NEUROD4: variants seen among roughly 807,000 people sequenced by gnomAD.
NEUROD4 encodes the protein neuronal differentiation 4.
A neutral mutation model predicts 19.8 loss-of-function variants in NEUROD4; 16 were observed. That is an observed-to-expected ratio of 0.81 (90% CI 0.55 to 1.23). NEUROD4 has a LOEUF of 1.23. Among genes scored for constraint, NEUROD4 ranks in the 50% most tolerant of loss-of-function variants. NEUROD4 has a pLI of 0.00. For synonymous variants in NEUROD4, 153 were observed against 147.9 expected (o/e 1.03, Z -0.25); for missense variants, 439 against 398.6 (o/e 1.10, Z -0.86).
intron 1 of NEUROD4, among the ~76,000 whole-genome samples, chr12:55,021,022 A>T (rs1024682787): frequency 2.0e-5 from 3 of 152,068 alleles, no homozygotes; most frequent in African/African-American, 7.2e-5. Flanking sequence ...ACCCACCCCC[A>T]TTTTTTTGAC....
intron 1 of NEUROD4, among the ~76,000 whole-genome samples, chr12:55,023,412 T>G (rs1422676931): frequency 6.6e-6 from 1 of 152,114 alleles, no homozygotes; most frequent in Non-Finnish European, 1.5e-5. Context: ...AGGAAATAAA[T>G]GTATAGATGT....
rs185171012 is a variant in NEUROD4, at chr12:55,029,641, A to G, written c.*2206A>G. 3.3e-4 allele frequency: 56 copies of G among 167,202 alleles called. 1 individual carries two copies. Among genetic ancestry groups the G allele is most frequent in the African/African-American group, 1.1e-3 (47 of 41,586 alleles). The allele number at this position is 167,202 out of a possible 1,614,324, so 10.4% of individuals were successfully genotyped here. A position where few individuals can be genotyped will look rare whatever the true frequency, so the allele number is the denominator to read the frequency against. ...TTTTGGAGTGAGGGGAAAGGAAAAA[A>G]TAGAGAATTACCTCTGTGATAATTT... On this transcript the variant is annotated 3_prime_UTR_variant, in exon 2 of 2. Coordinates refer to ENST00000242994, the MANE Select transcript of NEUROD4 (RefSeq NM_021191.3).
intron 1 of NEUROD4, among the ~76,000 whole-genome samples, chr12:55,026,171 T>C (rs140793113): frequency 1.3e-5 from 2 of 151,352 alleles, no homozygotes; most frequent in East Asian, 1.9e-4. Context: ...CATTTTTGTA[T>C]AAAATATTCA....
chr12:55,027,238 C>G lies in NEUROD4; in HGVS notation c.799C>G (p.Gln267Glu). The change falls in exon 2 of 2, where the codon CAA (glutamine) becomes GAA (glutamate). Residue 267 changes from glutamine (Q) to glutamate (E), a missense_variant. By Grantham distance (29) the Gln-to-Glu change is conservative (BLOSUM62 2). Coordinates refer to ENST00000242994, the MANE Select transcript of NEUROD4 (RefSeq NM_021191.3). Reference protein sequence around the residue: ...LSISGNFSLKQDGSPDLEKSY... With the variant: ...LSISGNFSLKEDGSPDLEKSY... ...CATCAGTGGGAACTTCTCCTTGAAG[C>G]AAGATGGGTCTCCTGACCTAGAAAA... The G allele has an allele frequency of 6.2e-7, 1 of 1,614,110 alleles. No homozygotes were observed. The highest frequency in any genetic ancestry group is 1.7e-4 in the Middle Eastern group (1 of 6,058).
intron 1 of NEUROD4, among the ~76,000 whole-genome samples, chr12:55,021,728 T>G (rs1402659329): frequency 2.0e-5 from 3 of 152,200 alleles, no homozygotes; most frequent in Admixed American, 2.0e-4. Flanking sequence ...ACTTGAAATT[T>G]CACTGAAAGA....
chr12:55,024,099 G>C (rs1952698632), intron 1 of NEUROD4, among the ~76,000 whole-genome samples: 2 of 152,174 alleles, frequency 1.3e-5, no homozygotes, highest in Admixed American at 1.3e-4. Context: ...ATGAGCCAGT[G>C]ATCATAATGA....
Position 55,026,709 on chromosome 12 carries a change from C to G in NEUROD4, c.270C>G (p.Val90=), listed in dbSNP as rs755628989. 1 of 1,614,158 alleles carries G rather than the reference C, an allele frequency of 6.2e-7. No homozygotes were observed. The highest frequency in any genetic ancestry group is 8.5e-7 in the Non-Finnish European group (1 of 1,180,034). ...TTGAGAGATTCAGGGCTCGAAGAGT[C>G]AAGGCTAATGCCAGAGAACGGACCC... ...ARLERFRARR[V]KANARERTRM... Residue 90 remains valine, a synonymous_variant, in exon 2 of 2, where the codon GTC becomes GTG. Coordinates refer to ENST00000242994, the MANE Select transcript of NEUROD4 (RefSeq NM_021191.3).
chr12:55,027,186 T>C lies in NEUROD4; in HGVS notation c.747T>C (p.Tyr249=), dbSNP rs765620873. The C allele has an allele frequency of 1.9e-6, 3 of 1,613,994 alleles. No individual in the cohort carries two copies. Among genetic ancestry groups the C allele is most frequent in the Admixed American group, 1.7e-5 (1 of 59,994 alleles). The change falls in exon 2 of 2, where the codon TAT becomes TAC. Residue 249 remains tyrosine, a synonymous_variant. Transcript: ENST00000242994. Reference sequence around the variant, plus strand: ...TGCCTGACTGCAGTACACCCCCTTATGAGGGCCCACTCACTCCACCCCTGA... The same window carrying C: ...TGCCTGACTGCAGTACACCCCCTTACGAGGGCCCACTCACTCCACCCCTGA... The part of the protein sequence containing the change: ...SHLPDCSTPP[Y]EGPLTPPLSI...
rs1169507555 is a variant in NEUROD4, at chr12:55,027,265, T to A, written c.826T>A (p.Ser276Thr). The change falls in exon 2 of 2, where the codon TCC becomes ACC. Residue 276 changes from serine (S) to threonine (T), a missense_variant. Physicochemically the swap from Ser to Thr is moderately conservative, Grantham distance 58. Coordinates refer to ENST00000242994, the MANE Select transcript of NEUROD4 (RefSeq NM_021191.3). ...AGATGGGTCTCCTGACCTAGAAAAA[T>A]CCTACAGCTTCATGCCACATTACCC... ...KQDGSPDLEK[S>T]YSFMPHYPSS... The A allele has an allele frequency of 1.2e-6, 2 of 1,613,894 alleles. No homozygotes were observed. Among genetic ancestry groups the A allele is most frequent in the Non-Finnish European group, 1.7e-6 (2 of 1,180,004 alleles).
chr12:55,022,914 A>G (rs1048383131), intron 1 of NEUROD4, among the ~76,000 whole-genome samples: 1 of 152,122 alleles, frequency 6.6e-6, no homozygotes, highest in South Asian at 2.1e-4. Flanking sequence ...TTCTAATTAT[A>G]CCTATTCTTG....
chr12:55,027,068 C>G lies in NEUROD4; in HGVS notation c.629C>G (p.Pro210Arg), dbSNP rs755059186. ...TTCAACTATCAGTCTCCGGGGCTTC[C>G]TAGCCCTCCTTATGGTCATATGGAA... ...HNFNYQSPGL[P>R]SPPYGHMETH... Residue 210 changes from proline (P) to arginine (R), a missense_variant, in exon 2 of 2, where the codon CCT becomes CGT. Physicochemically the swap from Pro to Arg is moderately radical, Grantham distance 103 (BLOSUM62 -2). Transcript: ENST00000242994. The G allele has an allele frequency of 6.2e-7, 1 of 1,614,018 alleles. No homozygotes were observed. The highest frequency in any genetic ancestry group is 8.5e-7 in the Non-Finnish European group (1 of 1,179,942).
rs1952742988 is a variant in NEUROD4 at position 55,027,120 on chromosome 12, A to G, written c.681A>G (p.Gln227=). ...CACATCTCCTTCATCTCAAGCCCCA[A>G]GTATTCAAGAGTTTGGGAGAATCGT... is the stretch of plus-strand genomic sequence containing the variant. The part of the protein sequence containing the change: ...METHLLHLKP[Q]VFKSLGESSF... The change falls in exon 2 of 2, where the codon CAA becomes CAG. Residue 227 remains glutamine (Q), a synonymous_variant. Coordinates refer to ENST00000242994, the MANE Select transcript of NEUROD4 (RefSeq NM_021191.3). 1 of 1,614,162 alleles carries G rather than the reference A, an allele frequency of 6.2e-7. No homozygotes were observed.
chr12:55,023,277 T>C (rs2136238651), intron 1 of NEUROD4, among the ~76,000 whole-genome samples: 1 of 152,270 alleles, frequency 6.6e-6, no homozygotes, highest in Non-Finnish European at 1.5e-5. Context: ...AGAGGTAATA[T>C]CCAGATAATA....
rs1223267739 is a variant in NEUROD4, at chr12:55,029,937, ATTGTTTAAATATT to A, written c.*2512_*2524del. On this transcript the variant is annotated 3_prime_UTR_variant, in exon 2 of 2. Transcript: ENST00000242994. Reference sequence around the variant, plus strand: ...AGACTTTTTTAGATAAAGTAAAATAATTGTTTAAATATTTTGTTTAAAATATGACTGTTTTTCC... The same window carrying A: ...AGACTTTTTTAGATAAAGTAAAATAATTGTTTAAAATATGACTGTTTTTCC... 2 of 167,008 alleles carry A rather than the reference ATTGTTTAAATATT, an allele frequency of 1.2e-5. No individual in the cohort carries two copies. The highest frequency in any genetic ancestry group is 2.9e-5 in the Non-Finnish European group (2 of 68,108). 10.3% of individuals were successfully genotyped at this position (167,008 alleles called of 1,614,324 possible). A position where few individuals can be genotyped will look rare whatever the true frequency, so the allele number is the denominator to read the frequency against.
Position 55,026,668 on chromosome 12 carries a change from A to G in NEUROD4, c.229A>G (p.Met77Val). ...PKRRGPKKKK[M>V]TKARLERFRA... ...GAGAAGGGGTCCCAAGAAAAAGAAG[A>G]TGACCAAAGCTCGCCTTGAGAGATT... Residue 77 changes from methionine (M) to valine (V), a missense_variant, in exon 2 of 2, where the codon ATG becomes GTG. By Grantham distance (21) the Met-to-Val change is conservative (BLOSUM62 1). Transcript: ENST00000242994. 1.2e-6 allele frequency: 2 copies of G among 1,614,118 alleles called. No homozygotes were observed. Among genetic ancestry groups the G allele is most frequent in the East Asian group, 2.2e-5 (1 of 44,866 alleles).
At chr12:55,025,552 G>A (rs1952718720) in intron 1 of NEUROD4, among the ~76,000 whole-genome samples, 2 of 152,222 alleles carry the variant, frequency 1.3e-5, no homozygotes. Flanking sequence ...AAATTTGAAA[G>A]ATGAGCAGTG....
Position 55,028,702 on chromosome 12 carries a change from G to A in NEUROD4, c.*1267G>A, listed in dbSNP as rs956957426. ...CTTCCTCACTTCTAAGATAGAATAT[G>A]TTATTATATATTGTAAATAACATTT... is the stretch of plus-strand genomic sequence containing the variant. On this transcript the variant is annotated 3_prime_UTR_variant, in exon 2 of 2. Coordinates refer to ENST00000242994, the MANE Select transcript of NEUROD4 (RefSeq NM_021191.3). The A allele has an allele frequency of 1.2e-5, 2 of 166,990 alleles. No individual in the cohort carries two copies. The highest frequency in any genetic ancestry group is 1.5e-5 in the Non-Finnish European group (1 of 68,088). 10.3% of individuals were successfully genotyped at this position (166,990 alleles called of 1,614,324 possible).
rs1952733400 is a variant in NEUROD4 at position 55,026,602 on chromosome 12, G to C, written c.163G>C (p.Glu55Gln). 1 of 1,613,908 alleles carries C rather than the reference G, an allele frequency of 6.2e-7. No homozygotes were observed. Among genetic ancestry groups the C allele is most frequent in the Non-Finnish European group, 8.5e-7 (1 of 1,179,884 alleles). The change falls in exon 2 of 2, where the codon GAG becomes CAG. Residue 55 changes from glutamate (E) to glutamine (Q), a missense_variant. Transcript: ENST00000242994. ...CTTAACTGAAGAGCATGACAGTATT[G>C]AGGAAGAAGAAGAAGAGGAAGAAGA... ...SSLTEEHDSI[E>Q]EEEEEEEDGE... is the part of the protein sequence containing the mutation.
rs1417355539 is a variant in NEUROD4, at chr12:55,020,153, A to G, written c.-170A>G. 6.6e-6 allele frequency: 1 copy of G among 152,264 alleles called. No homozygotes were observed. The highest frequency in any genetic ancestry group is 2.4e-5 in the African/African-American group (1 of 41,452). The allele number at this position is 152,264 out of a possible 1,614,324, so 9.4% of individuals were successfully genotyped here. Reference sequence around the variant, plus strand: ...AGTAGAATAAGGAGCAGGCAGAGAAACCAGACCCGGTGGAATCTCTAAGAG... The same window carrying G: ...AGTAGAATAAGGAGCAGGCAGAGAAGCCAGACCCGGTGGAATCTCTAAGAG... On this transcript the variant is annotated 5_prime_UTR_variant, in exon 1 of 2. Coordinates refer to ENST00000242994, the MANE Select transcript of NEUROD4 (RefSeq NM_021191.3).
Sources: allele counts gnomAD v4.1 joint callset (sites outside exome capture counted in the v4.1 genomes callset), GRCh38; gene constraint gnomAD v4.1.1; transcripts MANE v1.5; gene names NCBI Gene and HGNC (gene_info 2026-07-23, HGNC 2026-07-21).